SBF2: variants seen among roughly 807,000 people sequenced by gnomAD.
SBF2 encodes myotubularin-related protein 13.
A neutral mutation model predicts 225.2 loss-of-function variants in SBF2; 112 were observed. The observed-to-expected ratio is 0.50, with a 90% CI of 0.43 to 0.58. The LOEUF is 0.58. SBF2 is among the 20% of genes least tolerant of loss of function. The pLI, the probability that SBF2 is intolerant of heterozygous loss-of-function variation, is 0.00. For synonymous variants in SBF2, 763 were observed against 773.3 expected, an observed-to-expected ratio of 0.99 and a Z score of 0.22; for missense variants, 1,996 against 2,206.2, an observed-to-expected ratio of 0.90 and a Z score of 1.91.
chr11:10,303,229 G>C lies in SBF2; in HGVS notation n.386+1263C>G, dbSNP rs546497834. The C allele has an allele frequency of 5.2e-3, 798 of 152,298 alleles. 9 individuals carry two copies. The highest frequency in any genetic ancestry group is 0.018 in the African/African-American group (766 of 41,536). 9.4% of individuals were successfully genotyped at this position (152,298 alleles called of 1,614,324 possible). On this transcript the variant is annotated intron_variant and non_coding_transcript_variant, in intron 1 of 5. Transcript: ENST00000685217. The surrounding 1 kb of genome is among the most constrained non-coding windows in gnomAD (Gnocchi z 5.2). The stretch of plus-strand genomic sequence containing the variant: ...TTCGGTGACTGCCCTGCGCCCAGCC[G>C]GGCGGCCGGATCCAGACCAGTGCGC...
intron 1 of SBF2, among the ~76,000 whole-genome samples, chr11:10,260,406 A>G (rs1961307132): frequency 6.7e-6 from 1 of 149,726 alleles, no homozygotes; most frequent in South Asian, 2.1e-4. Flanking sequence ...CAACATAGTA[A>G]GACCCCATCT....
intron 1 of SBF2, among the ~76,000 whole-genome samples, chr11:10,206,191 G>A (rs1025082759): frequency 8.6e-5 from 13 of 151,132 alleles, no homozygotes; most frequent in Admixed American, 8.6e-4. Context: ...AAACAGCTCA[G>A]CCTGGGGAAT....
intron 6 of SBF2, among the ~76,000 whole-genome samples, chr11:10,012,057 G>C (rs1948479870): frequency 6.6e-6 from 1 of 152,024 alleles, no homozygotes; most frequent in Non-Finnish European, 1.5e-5. Context: ...TTTTATATTG[G>C]ATCATTTCTA....
chr11:10,074,849 C>G (rs1001766266), intron 2 of SBF2, among the ~76,000 whole-genome samples: 4 of 152,206 alleles, frequency 2.6e-5, no homozygotes, highest in Admixed American at 2.6e-4. Context: ...ATATTAAATA[C>G]AATTTGCTAA....
intron 22 of SBF2, 114 bp from the exon 23 acceptor site, chr11:9,847,197 C>CATCCCTGGGCAGTGT: frequency 7.7e-7 from 1 of 1,299,762 alleles, no homozygotes; most frequent in Non-Finnish European, 1.1e-6. Context: ...GAGGACACTG[C>CATCCCTGGGCAGTGT]CCAGGGATGC....
At chr11:10,042,738 A>G in intron 3 of SBF2, 106 bp downstream of exon 3, 1 of 1,136,326 alleles carries the variant, frequency 8.8e-7, no homozygotes, top group South Asian at 1.3e-5. Context: ...TTCTTATGCT[A>G]GCCCATAAAA....
intron 16 of SBF2, among the ~76,000 whole-genome samples, chr11:9,922,428 A>T (rs1476440085): frequency 6.6e-6 from 1 of 152,174 alleles, no homozygotes; most frequent in Admixed American, 6.5e-5. Flanking sequence ...CATAGTTTAA[A>T]CTATGACTAT....
chr11:9,982,679 A>C (rs536560997), intron 13 of SBF2, among the ~76,000 whole-genome samples: 2 of 152,302 alleles, frequency 1.3e-5, no homozygotes, highest in South Asian at 4.1e-4. Flanking sequence ...ACAAACCAGC[A>C]ATCTGGAGAG....
intron 17 of SBF2, 117 bp from the exon 18 acceptor site, chr11:9,858,513 G>A (rs532510609): frequency 6.2e-5 from 65 of 1,054,492 alleles, no homozygotes; most frequent in South Asian, 1.1e-4. Context: ...AAAGAATATC[G>A]TATGGTAGTA....
chr11:10,101,891 C>G (rs1436781770), intron 2 of SBF2, among the ~76,000 whole-genome samples: 1 of 151,986 alleles, frequency 6.6e-6, no homozygotes, highest in Non-Finnish European at 1.5e-5. Context: ...ACCTTTCAAG[C>G]CAGCCTGGCA....
At chr11:9,956,487 T>C (rs1389326184) in intron 16 of SBF2, 1 of 152,174 alleles carries the variant, frequency 6.6e-6, no homozygotes, top group Non-Finnish European at 1.5e-5. Context: ...GCTCTGCTTA[T>C]AGTTTTAATT....
chr11:10,209,724 AC>A (rs1243305289), intron 1 of SBF2, among the ~76,000 whole-genome samples: 2 of 152,132 alleles, frequency 1.3e-5, no homozygotes, highest in Non-Finnish European at 1.5e-5. Context: ...AGAGAATGGC[AC>A]GTTATCCATC....
rs756473005 is a variant in SBF2, at chr11:9,781,646, C to CA, written c.5320-9dup. The CA allele has an allele frequency of 2.5e-6, 4 of 1,614,050 alleles. No individual in the cohort carries two copies. The highest frequency in any genetic ancestry group is 3.4e-6 in the Non-Finnish European group (4 of 1,179,998). ...TGAGTCATAGTAGCGCAGCTGGAAC[C>CA]AAAAGGATACAAGTGAGATATAAGA... On this transcript the variant is annotated splice_polypyrimidine_tract_variant and intron_variant, in intron 38 of 39. Coordinates refer to ENST00000256190, the MANE Select transcript of SBF2 (RefSeq NM_030962.4).
chr11:10,066,902 T>C (rs1053514211), intron 2 of SBF2, among the ~76,000 whole-genome samples: 7 of 152,220 alleles, frequency 4.6e-5, no homozygotes, highest in African/African-American at 1.4e-4. Context: ...ATGATCAATA[T>C]ATAAAAATCA....
At chr11:9,816,779 G>C in intron 29 of SBF2, 61 bp downstream of exon 29, 1 of 1,536,814 alleles carries the variant, frequency 6.5e-7, no homozygotes, top group Non-Finnish European at 9.0e-7. Context: ...TTGTGATACA[G>C]GTTTTATCAA....
intron 9 of SBF2, among the ~76,000 whole-genome samples, chr11:9,994,393 T>A (rs2134477806): frequency 6.7e-6 from 1 of 150,302 alleles, no homozygotes; most frequent in Admixed American, 6.6e-5. Context: ...GAGAATGGCG[T>A]GAACCCGGGA....
chr11:10,194,294 A>C (rs1278745710), intron 1 of SBF2, among the ~76,000 whole-genome samples: 1 of 152,216 alleles, frequency 6.6e-6, no homozygotes, highest in South Asian at 2.1e-4. Flanking sequence ...CAGTATAACA[A>C]ATATTTCCAT....
intron 2 of SBF2, among the ~76,000 whole-genome samples, chr11:10,159,750 C>T (rs1225953360): frequency 2.0e-5 from 3 of 152,170 alleles, no homozygotes; most frequent in South Asian, 2.1e-4. Flanking sequence ...ATTAGCCGGG[C>T]GCAGTGGCGG....
chr11:10,076,539 G>A (rs1951121031), intron 2 of SBF2, among the ~76,000 whole-genome samples: 1 of 152,196 alleles, frequency 6.6e-6, no homozygotes, highest in Non-Finnish European at 1.5e-5. Context: ...TGTGGCCTGG[G>A]AGCCATGTTT....
Sources: gnomAD v4.1 joint callset for allele counts (sites outside exome capture counted in the v4.1 genomes callset) on GRCh38, gnomAD v4.1.1 for gene constraint, Gnocchi (gnomAD v3.1) non-coding constraint, MANE v1.5 for transcripts, NCBI Gene and HGNC (gene_info 2026-07-23, HGNC 2026-07-21) for gene names.